PMFBP1: variants seen among roughly 807,000 people sequenced by gnomAD.
The protein encoded by PMFBP1 is polyamine-modulated factor 1-binding protein 1.
Under a neutral mutation model 137.8 loss-of-function variants are expected in PMFBP1, and 131 were observed. That is an observed-to-expected ratio of 0.95 (90% confidence interval 0.82 to 1.10). The LOEUF (loss-of-function observed/expected upper bound fraction) is 1.10, where lower values mean the gene tolerates loss of function less well. PMFBP1 is among the 50% of genes least tolerant of loss of function. The pLI, the probability that PMFBP1 is intolerant of heterozygous loss-of-function variation, is 0.00. For synonymous variants in PMFBP1, 490 were observed against 450.4 expected (o/e 1.09, Z -1.11); for missense variants, 1,199 against 1,175.4 (o/e 1.02, Z -0.29).
Position 72,123,598 on chromosome 16 carries a change from G to C in PMFBP1, c.2641C>G (p.Arg881Gly), listed in dbSNP as rs776203398. 1.2e-6 allele frequency: 2 copies of C among 1,613,950 alleles called. No homozygotes were observed. The highest frequency in any genetic ancestry group is 2.7e-5 in the African/African-American group (2 of 74,904). ...SVPKDTCRLY[R>G]GNDQIMTNLE... Reference sequence around the variant, plus strand: ...TTGGTCATAATCTGATCATTCCCTCGGTAGAGCCTACAGGTGTCTTTGGGC... The same window carrying C: ...TTGGTCATAATCTGATCATTCCCTCCGTAGAGCCTACAGGTGTCTTTGGGC... Residue 881 changes from arginine (R) to glycine (G), a missense_variant, in exon 18 of 21, where the codon CGA (arginine) becomes GGA (glycine). Coordinates refer to ENST00000237353, the MANE Select transcript of PMFBP1 (RefSeq NM_031293.3).
At chr16:72,163,200 C>T (rs1016629141) in intron 3 of PMFBP1, among the ~76,000 whole-genome samples, 4 of 152,108 alleles carry the variant, frequency 2.6e-5, no homozygotes, top group Non-Finnish European at 4.4e-5. Context: ...TTATGTTTAC[C>T]GAGAACTCAT....
the PMFBP1 span, among the ~76,000 whole-genome samples, chr16:72,203,440 G>T: frequency 6.6e-6 from 1 of 152,152 alleles, no homozygotes; most frequent in Non-Finnish European, 1.5e-5. Context: ...TGTTTTCCAC[G>T]TTCTTTTCTA....
intron 19 of PMFBP1, among the ~76,000 whole-genome samples, chr16:72,121,107 T>G (rs1408924463): frequency 6.6e-6 from 1 of 152,240 alleles, no homozygotes; most frequent in Non-Finnish European, 1.5e-5. Flanking sequence ...ATCTGTTACC[T>G]TGAGAATCTG....
chr16:72,219,552 C>T, the PMFBP1 span, among the ~76,000 whole-genome samples: 203 of 133,388 alleles, frequency 1.5e-3, 1 homozygote, highest in African/African-American at 7.3e-3. Flanking sequence ...TCAATGTGGG[C>T]GGGGGGGCCT....
chr16:72,164,542 A>G (rs2043114859), intron 3 of PMFBP1: 1 of 1,333,754 alleles, frequency 7.5e-7, no homozygotes. Flanking sequence ...TAGGATGTAC[A>G]TGACCTTGGA....
the PMFBP1 span, among the ~76,000 whole-genome samples, chr16:72,205,316 C>T: frequency 2.6e-5 from 4 of 152,266 alleles, no homozygotes; most frequent in East Asian, 1.9e-4. Context: ...GCTAGAAGGG[C>T]GGTTGGCCTT....
chr16:72,151,418 A>G (rs972429139), intron 4 of PMFBP1, among the ~76,000 whole-genome samples: 3 of 152,226 alleles, frequency 2.0e-5, no homozygotes, highest in Non-Finnish European at 4.4e-5. Context: ...ATATATACAT[A>G]TTAGACATAT....
At chr16:72,217,015 T>C in the PMFBP1 span, among the ~76,000 whole-genome samples, 12 of 152,214 alleles carry the variant, frequency 7.9e-5, no homozygotes, top group Non-Finnish European at 1.2e-4. Flanking sequence ...ATGAAGTGAC[T>C]GGACAGGACT....
chr16:72,168,013 C>T (rs571980598), intron 2 of PMFBP1, among the ~76,000 whole-genome samples: 1 of 152,304 alleles, frequency 6.6e-6, no homozygotes, highest in Non-Finnish European at 1.5e-5. Context: ...ACCAGAAGTT[C>T]AGAATTGGAT....
intron 3 of PMFBP1, 118 bp downstream of exon 3, chr16:72,164,646 G>T (rs2043116909): frequency 3.0e-6 from 4 of 1,345,720 alleles, no homozygotes; most frequent in Admixed American, 2.0e-5. Context: ...CTCTCTCATT[G>T]CTTGCTTAAT....
the PMFBP1 span, among the ~76,000 whole-genome samples, chr16:72,226,286 T>A: frequency 1.1e-3 from 168 of 152,302 alleles, 1 homozygote; most frequent in Non-Finnish European, 4.9e-4. Flanking sequence ...TTTCCAGTGA[T>A]AATAATTAGA....
the PMFBP1 span, among the ~76,000 whole-genome samples, chr16:72,222,694 C>T: frequency 1.3e-5 from 2 of 152,198 alleles, no homozygotes; most frequent in African/African-American, 4.8e-5. Context: ...GTTATTTAAT[C>T]TCTCAGTTTC....
At chr16:72,117,723 A>C (rs1484980202), downstream of PMFBP1, among the ~76,000 whole-genome samples, 1 of 132,096 alleles carries the variant, frequency 7.6e-6, no homozygotes, top group African/African-American at 2.9e-5. Flanking sequence ...AAATTCATAA[A>C]AGAGTGTTGT....
chr16:72,222,359 C>T, the PMFBP1 span, among the ~76,000 whole-genome samples: 1 of 152,150 alleles, frequency 6.6e-6, no homozygotes, highest in Non-Finnish European at 1.5e-5. Flanking sequence ...ATTTTCCAAG[C>T]CTCAAACTAG....
chr16:72,119,589 C>T, intron 20 of PMFBP1: 2 of 1,443,712 alleles, frequency 1.4e-6, no homozygotes, highest in Non-Finnish European at 9.0e-7. Flanking sequence ...TCTACCTGTT[C>T]CCTAAAATGG....
chr16:72,210,839 CTCAG>C, the PMFBP1 span, among the ~76,000 whole-genome samples: 1 of 152,088 alleles, frequency 6.6e-6, no homozygotes, highest in Non-Finnish European at 1.5e-5. Context: ...GCCAGGGGTT[CTCAG>C]GACAAATGAC....
intron 5 of PMFBP1, among the ~76,000 whole-genome samples, chr16:72,148,347 A>C: frequency 7.1e-6 from 1 of 140,974 alleles, no homozygotes. Context: ...GGGGCAGGGA[A>C]CATCACACAT....
At chr16:72,223,999 T>G in the PMFBP1 span, among the ~76,000 whole-genome samples, 1 of 152,186 alleles carries the variant, frequency 6.6e-6, no homozygotes, top group Non-Finnish European at 1.5e-5. Flanking sequence ...AGATGACAGA[T>G]TTGACACTGG....
At chr16:72,191,623 A>G in the PMFBP1 span, among the ~76,000 whole-genome samples, 1 of 152,212 alleles carries the variant, frequency 6.6e-6, no homozygotes, top group Non-Finnish European at 1.5e-5. Flanking sequence ...AGAATGGGTA[A>G]GGTCATAGTC....
Sources: gnomAD v4.1 joint callset for allele counts (sites outside exome capture counted in the v4.1 genomes callset) on GRCh38, gnomAD v4.1.1 for gene constraint, MANE v1.5 for transcripts, NCBI Gene and HGNC (gene_info 2026-07-23, HGNC 2026-07-21) for gene names.